Variants in IPO9 observed in about 807,000 individuals in gnomAD.
IPO9 encodes the protein importin-9.
Under a neutral mutation model 128.6 loss-of-function variants are expected in IPO9, and 28 were observed. The observed-to-expected ratio is 0.22, with a 90% confidence interval of 0.16 to 0.30. The LOEUF is 0.30. Ranked by LOEUF, IPO9 falls within the 10% of genes least tolerant of loss-of-function variation. The pLI is 1.00. For missense variants in IPO9, 935 were observed against 1,293.9 expected (o/e 0.72, Z 4.26); for synonymous variants, 455 against 475.8 (o/e 0.96, Z 0.57).
At chr1:201,842,026 A>G (rs1435473866) in intron 1 of IPO9, among the ~76,000 whole-genome samples, 1 of 152,060 alleles carries the variant, frequency 6.6e-6, no homozygotes, top group East Asian at 1.9e-4. Flanking sequence ...GTGTCCTCCA[A>G]TTCAATTCCA....
intron 22 of IPO9, 82 bp from the exon 23 acceptor site, chr1:201,875,070 A>G: frequency 1.4e-6 from 2 of 1,404,414 alleles, no homozygotes; most frequent in Non-Finnish European, 2.0e-6. Context: ...CTTCCGCCTC[A>G]GTCATGTGGT....
At chr1:201,846,084 G>A (rs569553559) in intron 1 of IPO9, among the ~76,000 whole-genome samples, 2 of 152,288 alleles carry the variant, frequency 1.3e-5, no homozygotes, top group South Asian at 4.2e-4. Flanking sequence ...CTCCAGCCTG[G>A]ATGACAGAGT....
intron 1 of IPO9, among the ~76,000 whole-genome samples, chr1:201,829,818 C>T (rs1005317949): frequency 2.6e-5 from 4 of 151,938 alleles, no homozygotes; most frequent in Non-Finnish European, 5.9e-5. Flanking sequence ...CTCGAAAAGG[C>T]GGCTATCAAA....
At chr1:201,868,625 C>T (rs1361020001) in intron 15 of IPO9, 23 bp from the exon 16 acceptor site, 1 of 1,601,970 alleles carries the variant, frequency 6.2e-7, no homozygotes, top group African/African-American at 1.3e-5. Context: ...CAGGGGGATT[C>T]CGTGTTGCCT....
chr1:201,883,073 G>T lies in IPO9; in HGVS notation c.*7019G>T, dbSNP rs1680918492. The stretch of plus-strand genomic sequence containing the variant: ...TGCCTGAGGAACATGATAGAAACAG[G>T]TGGTAGGCCCAGCTCTTGCCTTCCA... On this transcript the variant is annotated 3_prime_UTR_variant, in exon 24 of 24. Coordinates refer to ENST00000361565, the MANE Select transcript of IPO9 (RefSeq NM_018085.5). 6.6e-6 allele frequency: 1 copy of T among 152,560 alleles called. No individual in the cohort carries two copies. 9.5% of individuals were successfully genotyped at this position (152,560 alleles called of 1,614,324 possible). A position where few individuals can be genotyped will look rare whatever the true frequency, so the allele number is the denominator to read the frequency against.
intron 15 of IPO9, among the ~76,000 whole-genome samples, chr1:201,868,029 C>T (rs1208701407): frequency 6.6e-6 from 1 of 152,116 alleles, no homozygotes; most frequent in African/African-American, 2.4e-5. Context: ...CTGCAGTGAT[C>T]TTTTAAGGTA....
chr1:201,871,317 G>A lies in IPO9; in HGVS notation c.2566G>A (p.Gly856Ser). ...RQHLFYGQYE[G>S]KVSSVALCKL... The stretch of plus-strand genomic sequence containing the variant: ...GCACCTGTTCTATGGACAGTATGAA[G>A]GCAAAGTCAGGTAGAACCTCATCTT... Residue 856 changes from glycine (G) to serine (S), a missense_variant, in exon 19 of 24, where the codon GGC (glycine) becomes AGC (serine). By Grantham distance (56) the Gly-to-Ser change is moderately conservative. Transcript: ENST00000361565. 6.4e-7 allele frequency: 1 copy of A among 1,570,966 alleles called. No homozygotes were observed. The highest frequency in any genetic ancestry group is 2.4e-5 in the East Asian group (1 of 41,774).
intron 1 of IPO9, among the ~76,000 whole-genome samples, chr1:201,840,421 C>T (rs943536713): frequency 1.3e-5 from 2 of 152,144 alleles, no homozygotes; most frequent in African/African-American, 2.4e-5. Context: ...TGGAAAGATG[C>T]TCCTATGTAT....
At chr1:201,875,336 T>G in intron 23 of IPO9, 108 bp downstream of exon 23, 1 of 1,000,420 alleles carries the variant, frequency 1.0e-6, no homozygotes, top group Admixed American at 1.8e-5. Flanking sequence ...ATGCCTGTAA[T>G]CCCAACACTT....
Position 201,882,137 on chromosome 1 carries a change from T to C in IPO9, c.*6083T>C, listed in dbSNP as rs1680893123. 6.6e-6 allele frequency: 1 copy of C among 152,010 alleles called. No homozygotes were observed. 9.4% of individuals were successfully genotyped at this position (152,010 alleles called of 1,614,324 possible). On this transcript the variant is annotated 3_prime_UTR_variant, in exon 24 of 24. Transcript: ENST00000361565. ...CACCCAAAAGTAATCGCAATAAAAT[T>C]CCAATTTTTGTAGGCCGGGCATAGT... is the stretch of plus-strand genomic sequence containing the variant.
intron 14 of IPO9, 146 bp downstream of exon 14, chr1:201,863,753 A>C: frequency 1.5e-6 from 1 of 673,556 alleles, no homozygotes; most frequent in Non-Finnish European, 2.3e-6. Context: ...AGGGAAAGAA[A>C]CCATGCTAGA....
At chr1:201,869,840 CT>C (rs980782443) in intron 17 of IPO9, 122 bp downstream of exon 17, 5 of 1,228,556 alleles carry the variant, frequency 4.1e-6, no homozygotes, top group Non-Finnish European at 5.6e-6. Flanking sequence ...TCCATATTTA[CT>C]TAGCAGATTC....
At chr1:201,829,522 T>C in intron 1 of IPO9, 150 bp downstream of exon 1, 2 of 703,930 alleles carry the variant, frequency 2.8e-6, no homozygotes, top group Non-Finnish European at 3.8e-6. Context: ...ATGTCGCTGG[T>C]GGTTGTGAAA....
rs1453538878 is a variant in IPO9 at position 201,881,362 on chromosome 1, CA to C, written c.*5309del. On this transcript the variant is annotated 3_prime_UTR_variant, in exon 24 of 24. Transcript: ENST00000361565. ...CAGATATTGTTAACCTATCAAAGGT[CA>C]CCCTGCAAGTGTGTGATTATAGTCC... 6.6e-6 allele frequency: 1 copy of C among 152,222 alleles called. No homozygotes were observed. Among genetic ancestry groups the C allele is most frequent in the Non-Finnish European group, 1.5e-5 (1 of 68,054 alleles). The allele number at this position is 152,222 out of a possible 1,614,324, so 9.4% of individuals were successfully genotyped here.
chr1:201,870,846 C>G lies in IPO9; in HGVS notation c.2397C>G (p.Leu799=). The change falls in exon 18 of 24, where the codon CTC becomes CTG. Residue 799 remains leucine, a synonymous_variant. Coordinates refer to ENST00000361565, the MANE Select transcript of IPO9 (RefSeq NM_018085.5). The surrounding 1 kb of genome is among the most constrained non-coding windows in gnomAD (Gnocchi z 4.9). The stretch of plus-strand genomic sequence containing the variant: ...GTAAGATGCAGCAGGCAGAGACGCT[C>G]AGTGTCATGCAGGTAAGAGAGCAGT... ...ILSKMQQAET[L]SVMQSLIMVF... is the part of the protein sequence containing the mutation. The G allele has an allele frequency of 1.2e-6, 2 of 1,610,612 alleles. No individual in the cohort carries two copies. Among genetic ancestry groups the G allele is most frequent in the Non-Finnish European group, 1.7e-6 (2 of 1,177,606 alleles).
chr1:201,846,406 T>C (rs1283163753), intron 1 of IPO9, among the ~76,000 whole-genome samples: 1 of 152,260 alleles, frequency 6.6e-6, no homozygotes, highest in African/African-American at 2.4e-5. Context: ...GGAGTCTCGC[T>C]CTGTAGCCCA....
intron 11 of IPO9, among the ~76,000 whole-genome samples, chr1:201,857,687 C>T (rs181778549): frequency 2.0e-5 from 3 of 151,788 alleles, no homozygotes; most frequent in Admixed American, 1.3e-4. Flanking sequence ...CCCAGCTACT[C>T]GGGAGGCTGA....
At chr1:201,858,627 A>G in intron 12 of IPO9, 74 bp downstream of exon 12, 1 of 951,936 alleles carries the variant, frequency 1.1e-6, no homozygotes. Context: ...GGATGGATTT[A>G]TTTTTATCTT....
rs138150089 is a variant in IPO9 at position 201,862,194 on chromosome 1, A to G, written c.1469-1254A>G. Reference sequence around the variant, plus strand: ...GGTCCAAGGCTGCACGCGGTGGCTCATGCCTGTAATCTCAGCACTTTGGGA... The same window carrying G: ...GGTCCAAGGCTGCACGCGGTGGCTCGTGCCTGTAATCTCAGCACTTTGGGA... On this transcript the variant is annotated intron_variant, in intron 13 of 23. Coordinates refer to ENST00000361565, the MANE Select transcript of IPO9 (RefSeq NM_018085.5). Among the ~76,000 whole-genome samples the G allele has an allele frequency of 2.5e-3, 380 of 152,350 alleles. 3 individuals are homozygous for G. Among genetic ancestry groups the G allele is most frequent in the African/African-American group, 8.9e-3 (370 of 41,584 alleles).
Sources: gnomAD v4.1 joint callset for allele counts (sites outside exome capture counted in the v4.1 genomes callset) on GRCh38, gnomAD v4.1.1 for gene constraint, Gnocchi (gnomAD v3.1) non-coding constraint, MANE v1.5 for transcripts, NCBI Gene and HGNC (gene_info 2026-07-23, HGNC 2026-07-21) for gene names.